Variants in RNGTT observed in about 807,000 individuals in gnomAD.
RNGTT encodes the protein RNA guanylyltransferase and 5'-phosphatase.
RNGTT carries 33 observed loss-of-function variants against 79.3 expected under a neutral mutation model. That is an observed-to-expected ratio of 0.42 (90% CI 0.32 to 0.56). RNGTT has a LOEUF of 0.56. RNGTT is among the 20% of genes least tolerant of loss of function. The pLI is 0.17. For missense variants in RNGTT, 497 were observed against 739.1 expected (o/e 0.67, Z 3.80); for synonymous variants, 222 against 235.9 (o/e 0.94, Z 0.54).
chr6:88,941,239 T>A, intron 1 of RNGTT, 59 bp from the exon 2 acceptor site: 1 of 1,149,160 alleles, frequency 8.7e-7, no homozygotes, highest in Non-Finnish European at 1.3e-6. Context: ...ATTAAAATTC[T>A]ATAATTAACA....
chr6:88,861,309 T>G (rs551115893), intron 8 of RNGTT, among the ~76,000 whole-genome samples: 3 of 152,286 alleles, frequency 2.0e-5, no homozygotes, highest in African/African-American at 7.2e-5. Context: ...TAGGAGCAGT[T>G]GGTCACACCA....
chr6:88,919,725 T>C (rs1562027747), intron 4 of RNGTT, among the ~76,000 whole-genome samples: 1 of 147,842 alleles, frequency 6.8e-6, no homozygotes, highest in Non-Finnish European at 1.5e-5. Flanking sequence ...TTTTTTTTTT[T>C]TTTTTTTTGA....
intron 12 of RNGTT, among the ~76,000 whole-genome samples, chr6:88,801,320 T>A (rs1779775222): frequency 6.6e-6 from 1 of 152,338 alleles, no homozygotes; most frequent in East Asian, 1.9e-4. Flanking sequence ...CGACCAAAAA[T>A]GCTTATTTCT....
chr6:88,680,384 T>G (rs1318086207), intron 13 of RNGTT, among the ~76,000 whole-genome samples: 1 of 152,108 alleles, frequency 6.6e-6, no homozygotes, highest in African/African-American at 2.4e-5. Context: ...CAAAGCAACT[T>G]AGATTCTATG....
chr6:88,786,848 G>A (rs961957367), intron 12 of RNGTT, among the ~76,000 whole-genome samples: 4 of 152,130 alleles, frequency 2.6e-5, no homozygotes, highest in Admixed American at 2.0e-4. Flanking sequence ...GATGGTATTA[G>A]GAGGTGGGAC....
intron 14 of RNGTT, among the ~76,000 whole-genome samples, chr6:88,624,134 A>G (rs1772540393): frequency 6.6e-6 from 1 of 151,972 alleles, no homozygotes; most frequent in Admixed American, 6.6e-5. Flanking sequence ...ATGTTCATGG[A>G]TTGAAAGATT....
chr6:88,635,631 A>G (rs59337099), intron 14 of RNGTT, among the ~76,000 whole-genome samples: 1,965 of 152,186 alleles, frequency 0.013, 46 homozygotes, highest in African/African-American at 0.045. Context: ...CCAGATATGT[A>G]GATTTATAAT....
intron 13 of RNGTT, among the ~76,000 whole-genome samples, chr6:88,705,603 T>G (rs1776102309): frequency 6.6e-6 from 1 of 152,090 alleles, no homozygotes; most frequent in Admixed American, 6.5e-5. Flanking sequence ...CTTCCTTAAT[T>G]TAGTTCAAGA....
chr6:88,925,664 C>G (rs926863505), intron 4 of RNGTT, among the ~76,000 whole-genome samples: 1 of 151,538 alleles, frequency 6.6e-6, no homozygotes, highest in African/African-American at 2.4e-5. Flanking sequence ...ATTCTGACAG[C>G]AGTTCTCAAA....
intron 12 of RNGTT, among the ~76,000 whole-genome samples, chr6:88,783,020 T>G (rs1779115074): frequency 6.6e-6 from 1 of 152,120 alleles, no homozygotes; most frequent in Non-Finnish European, 1.5e-5. Flanking sequence ...AACCACCCTA[T>G]GATTCAGCAA....
intron 2 of RNGTT, among the ~76,000 whole-genome samples, chr6:88,931,426 G>A (rs975433455): frequency 7.9e-5 from 12 of 152,160 alleles, no homozygotes; most frequent in African/African-American, 2.4e-4. Context: ...GGTATGTGGT[G>A]AGGGACTAGG....
intron 10 of RNGTT, among the ~76,000 whole-genome samples, chr6:88,846,272 C>T (rs1781478831): frequency 1.3e-5 from 2 of 152,212 alleles, no homozygotes; most frequent in South Asian, 2.1e-4. Context: ...ACTATCCATG[C>T]TGCCACTAGT....
intron 6 of RNGTT, among the ~76,000 whole-genome samples, chr6:88,899,595 T>C (rs1453070827): frequency 1.3e-5 from 2 of 151,240 alleles, no homozygotes; most frequent in Non-Finnish European, 1.5e-5. Context: ...ACTAACTTTG[T>C]AGCCACAAAA....
intron 1 of RNGTT, among the ~76,000 whole-genome samples, chr6:88,942,320 T>A (rs1384055929): frequency 1.3e-5 from 2 of 152,144 alleles, no homozygotes; most frequent in African/African-American, 4.8e-5. Flanking sequence ...CAGTATAGCA[T>A]AGAGGAAGTC....
intron 11 of RNGTT, among the ~76,000 whole-genome samples, chr6:88,806,310 G>GGAACACGCT (rs1252806544): frequency 6.6e-6 from 1 of 150,494 alleles, no homozygotes; most frequent in Admixed American, 6.6e-5. Flanking sequence ...TCGAGAAAAA[G>GGAACACGCT]GAACACGCTT....
chr6:88,723,193 G>A (rs1250720002), intron 13 of RNGTT, among the ~76,000 whole-genome samples: 2 of 152,190 alleles, frequency 1.3e-5, no homozygotes, highest in Non-Finnish European at 2.9e-5. Flanking sequence ...AACATGATGT[G>A]GAGGTGACAA....
intron 8 of RNGTT, among the ~76,000 whole-genome samples, chr6:88,869,805 G>C (rs562136781): frequency 9.2e-5 from 14 of 152,110 alleles, no homozygotes; most frequent in African/African-American, 2.4e-4. Context: ...CCACATCATA[G>C]AGCAGTCTCA....
At chr6:88,761,016 A>AACAC (rs1252503689) in intron 13 of RNGTT, among the ~76,000 whole-genome samples, 2 of 94,440 alleles carry the variant, frequency 2.1e-5, no homozygotes, top group African/African-American at 7.8e-5. Context: ...AAGCAAAAGA[A>AACAC]ATACACACAC....
At chr6:88,652,463 C>T (rs1773832728) in intron 14 of RNGTT, among the ~76,000 whole-genome samples, 1 of 152,152 alleles carries the variant, frequency 6.6e-6, no homozygotes, top group Non-Finnish European at 1.5e-5. Context: ...TACTGGAATA[C>T]ATCTCTTTAT....
Sources: allele counts gnomAD v4.1 joint callset (sites outside exome capture counted in the v4.1 genomes callset), GRCh38; gene constraint gnomAD v4.1.1; transcripts MANE v1.5; gene names NCBI Gene and HGNC (gene_info 2026-07-23, HGNC 2026-07-21).